Variants in PAAF1 observed in about 807,000 individuals in gnomAD.
PAAF1 encodes the protein proteasomal ATPase associated factor 1.
A neutral mutation model predicts 52.8 loss-of-function variants in PAAF1; 46 were observed. The observed-to-expected ratio is 0.87, with a 90% CI of 0.69 to 1.11. PAAF1 has a LOEUF of 1.11. Ranked by LOEUF, PAAF1 falls within the 50% of genes most tolerant of loss-of-function variation. The probability of loss-of-function intolerance (pLI) is 0.00; values close to 1 mark genes in which losing one functional copy is unlikely to be tolerated. For synonymous variants in PAAF1, 178 were observed against 172.8 expected, an observed-to-expected ratio of 1.03 and a Z score of -0.24; for missense variants, 424 against 477.4, an observed-to-expected ratio of 0.89 and a Z score of 1.04.
intron 8 of PAAF1, 26 bp from the exon 9 acceptor site, chr11:73,916,519 C>A: frequency 6.7e-7 from 1 of 1,485,768 alleles, no homozygotes; most frequent in South Asian, 1.2e-5. Flanking sequence ...CTTTAAACAG[C>A]ATTTTTGCCT....
intron 6 of PAAF1, among the ~76,000 whole-genome samples, chr11:73,907,503 C>G (rs887511014): frequency 6.6e-6 from 1 of 152,120 alleles, no homozygotes; most frequent in Admixed American, 6.6e-5. Flanking sequence ...CTTCTAGTGG[C>G]GTTATAAGCT....
At chr11:73,908,409 A>ATG (rs1236317933) in intron 6 of PAAF1, among the ~76,000 whole-genome samples, 55 of 125,270 alleles carry the variant, frequency 4.4e-4, no homozygotes, top group Non-Finnish European at 6.3e-4. Flanking sequence ...GTGTATATAT[A>ATG]TGTGTGTATA....
chr11:73,925,609 CTTA>C (rs923806890), intron 11 of PAAF1, among the ~76,000 whole-genome samples: 5 of 151,886 alleles, frequency 3.3e-5, no homozygotes, highest in African/African-American at 4.8e-5. Context: ...ATTATTCATT[CTTA>C]TTATTATTAA....
At chr11:73,886,099 C>T (rs1301272109) in intron 2 of PAAF1, among the ~76,000 whole-genome samples, 2 of 152,128 alleles carry the variant, frequency 1.3e-5, no homozygotes, top group East Asian at 3.8e-4. Flanking sequence ...CTATCATCTG[C>T]GTGTGTTTAT....
chr11:73,899,571 A>G (rs1036075347), intron 5 of PAAF1, among the ~76,000 whole-genome samples: 2 of 151,846 alleles, frequency 1.3e-5, no homozygotes, highest in South Asian at 2.1e-4. Context: ...GCCACCACAC[A>G]CATCTAATTT....
chr11:73,906,596 C>A (rs117239839), intron 6 of PAAF1, among the ~76,000 whole-genome samples: 205 of 152,250 alleles, frequency 1.3e-3, no homozygotes, highest in Admixed American at 4.4e-3. Flanking sequence ...AAAAGTTACA[C>A]TATAGTGATT....
intron 3 of PAAF1, chr11:73,889,077 T>C: frequency 1.2e-6 from 1 of 817,004 alleles, no homozygotes; most frequent in Non-Finnish European, 2.0e-6. Flanking sequence ...CCAGTTCTGT[T>C]GATTCCAAGT....
intron 10 of PAAF1, chr11:73,921,724 C>A: frequency 9.4e-7 from 1 of 1,059,866 alleles, no homozygotes; most frequent in Non-Finnish European, 1.4e-6. Flanking sequence ...CCACTTGCAG[C>A]GTTTATCATT....
Position 73,908,345 on chromosome 11 carries a change from ATGTG to A in PAAF1, c.533-1052_533-1049del, listed in dbSNP as rs1399639077. On this transcript the variant is annotated intron_variant, in intron 6 of 11. Transcript: ENST00000310571. ...TATATATGTATATATATGTGTATAT[ATGTG>A]TATATATGTGTGTATATATATATGT... is the stretch of plus-strand genomic sequence containing the variant. Among the ~76,000 whole-genome samples, 8 of 146,010 alleles carry A rather than the reference ATGTG, an allele frequency of 5.5e-5. No individual in the cohort carries two copies. The East Asian group carries it at 7.8e-4, about 14-fold the overall frequency.
chr11:73,918,818 A>G (rs1950137980), intron 9 of PAAF1, 132 bp from the exon 10 acceptor site: 1 of 693,942 alleles, frequency 1.4e-6, no homozygotes, highest in Non-Finnish European at 2.4e-6. Flanking sequence ...CAGGAAAGAA[A>G]CCATAGAAAT....
At chr11:73,913,585 T>C (rs1949989189) in intron 7 of PAAF1, among the ~76,000 whole-genome samples, 2 of 152,148 alleles carry the variant, frequency 1.3e-5, no homozygotes, top group African/African-American at 4.8e-5. Context: ...ACTTGTTTAT[T>C]TACCTATTCA....
intron 4 of PAAF1, among the ~76,000 whole-genome samples, chr11:73,897,590 G>T (rs949304318): frequency 6.6e-6 from 1 of 150,926 alleles, no homozygotes; most frequent in Admixed American, 6.6e-5. Flanking sequence ...ATGTGATGGC[G>T]GCCGGGAAGA....
chr11:73,900,090 T>C (rs1949555308), intron 5 of PAAF1, among the ~76,000 whole-genome samples, 180 bp from the exon 6 acceptor site: 1 of 152,130 alleles, frequency 6.6e-6, no homozygotes, highest in South Asian at 2.1e-4. Context: ...GGAAACACCT[T>C]TTAGAACACT....
Position 73,914,524 on chromosome 11 carries a change from C to CG in PAAF1, c.819+20_819+21insG. ...CAGCTGGCAAGTGGTTCCTATATGA[C>CG]CTTTGAACTCTGAGGCAACCTGGGT... On this transcript the variant is annotated intron_variant, in intron 8 of 11. Transcript: ENST00000310571. The CG allele has an allele frequency of 6.2e-7, 1 of 1,609,466 alleles. No homozygotes were observed. Among genetic ancestry groups the CG allele is most frequent in the East Asian group, 2.2e-5 (1 of 44,832 alleles).
In PAAF1 at chr11:73,921,558, T is replaced by G. The variant is rs561471948; in HGVS notation, c.1018+2526T>G. The G allele has an allele frequency of 7.3e-6, 4 of 551,016 alleles. No individual in the cohort carries two copies. In the East Asian group the frequency reaches 1.9e-4, roughly 26 times the overall value. The allele number at this position is 551,016 out of a possible 1,614,324, so 34.1% of individuals were successfully genotyped here. A position where few individuals can be genotyped will look rare whatever the true frequency, so the allele number is the denominator to read the frequency against. On this transcript the variant is annotated intron_variant, in intron 10 of 11. Transcript: ENST00000310571. ...TCAAGTAAAGACATGGTCTTCTCTC[T>G]TCTGTATAAAACTTTATGAAATAAA...
At position 73,913,672 on chromosome 11, in the gene PAAF1, C is replaced by G. The variant is rs145366626; in HGVS notation, c.728-741C>G. ...TAGCAGTTAGAATAGTGTGTGATGT[C>G]ATCACATAGAAGATGAGGGTAAAAA... On this transcript the variant is annotated intron_variant, in intron 7 of 11. Transcript: ENST00000310571. 4.4e-3 allele frequency among the ~76,000 whole-genome samples: 631 copies of G among 144,764 alleles called. 19 individuals carry two copies. Among genetic ancestry groups the G allele is most frequent in the Non-Finnish European group, 1.8e-3 (121 of 66,860 alleles). 95.0% of individuals were successfully genotyped at this position (144,764 alleles called of 152,430 possible).
intron 6 of PAAF1, among the ~76,000 whole-genome samples, chr11:73,903,110 C>A (rs1683320140): frequency 1.3e-5 from 2 of 152,126 alleles, no homozygotes; most frequent in South Asian, 4.1e-4. Context: ...GTATAACAGC[C>A]CTGACTTTTT....
At position 73,924,606 on chromosome 11, in the gene PAAF1, G is replaced by A. The variant is rs1452529908; in HGVS notation, c.1019-9G>A. The A allele has an allele frequency of 6.2e-7, 1 of 1,611,836 alleles. No individual in the cohort carries two copies. Among genetic ancestry groups the A allele is most frequent in the Non-Finnish European group, 8.5e-7 (1 of 1,178,294 alleles). On this transcript the variant is annotated splice_polypyrimidine_tract_variant and intron_variant, in intron 10 of 11. Transcript: ENST00000310571. ...TCTTAGTTATATGAATTTTCTTTCT[G>A]CCTTTCAGGTGATGGAAGCTGTTTT...
At chr11:73,887,520 C>A in intron 3 of PAAF1, 63 bp downstream of exon 3, 1 of 1,056,532 alleles carries the variant, frequency 9.5e-7, no homozygotes, top group Admixed American at 2.5e-5. Context: ...CAAACATCTA[C>A]CTTAGATATT....
Sources: allele counts gnomAD v4.1 joint callset (sites outside exome capture counted in the v4.1 genomes callset), GRCh38; gene constraint gnomAD v4.1.1; transcripts MANE v1.5; gene names NCBI Gene and HGNC (gene_info 2026-07-23, HGNC 2026-07-21).